The following RUNX1T1 variants were observed in gnomAD, a reference collection of about 807,000 sequenced individuals.
RUNX1T1 encodes protein CBFA2T1.
RUNX1T1 carries 4 observed loss-of-function variants against 62.8 expected under a neutral mutation model. The ratio of observed to expected loss-of-function variants is 0.06; its 90% confidence interval spans 0.03 to 0.15. The LOEUF is 0.15. Among genes scored for constraint, RUNX1T1 ranks in the 10% least tolerant of loss-of-function variants. The probability of loss-of-function intolerance (pLI) is 1.00; values close to 1 mark genes in which losing one functional copy is unlikely to be tolerated. For missense variants in RUNX1T1, 508 were observed against 754.3 expected (o/e 0.67, Z 3.82); for synonymous variants, 291 against 286.0 (o/e 1.02, Z -0.18).
In RUNX1T1 at chr8:91,991,899, G is replaced by GA. The variant is rs773610287; in HGVS notation, c.660-11dup. On this transcript the variant is annotated splice_polypyrimidine_tract_variant and intron_variant, in intron 5 of 10. Coordinates refer to ENST00000396218, the Ensembl canonical transcript of RUNX1T1. Reference sequence around the variant, plus strand: ...GCCATTTTCTTTGGTTCTAAAGGGGGAAAAAACAAGAGTTTGTTTCATCAT... The same window carrying GA: ...GCCATTTTCTTTGGTTCTAAAGGGGGAAAAAAACAAGAGTTTGTTTCATCAT... 20 of 1,611,780 alleles carry GA rather than the reference G, an allele frequency of 1.2e-5. No homozygotes were observed. Among genetic ancestry groups the GA allele is most frequent in the Non-Finnish European group, 1.6e-5 (19 of 1,179,116 alleles).
intron 4 of RUNX1T1, among the ~76,000 whole-genome samples, chr8:92,008,269 C>T (rs994668725): frequency 3.3e-5 from 5 of 151,860 alleles, no homozygotes; most frequent in South Asian, 2.1e-4. Context: ...ATATTCAGAA[C>T]GATGAGGAAG....
chr8:91,962,472 C>A (rs1810706952), intron 10 of RUNX1T1, among the ~76,000 whole-genome samples: 1 of 152,172 alleles, frequency 6.6e-6, no homozygotes, highest in Non-Finnish European at 1.5e-5. Flanking sequence ...TTTCCTACTT[C>A]AATTAATTTA....
intron 5 of RUNX1T1, among the ~76,000 whole-genome samples, chr8:91,996,232 C>T (rs1229233798): frequency 2.6e-5 from 4 of 151,876 alleles, no homozygotes; most frequent in African/African-American, 9.7e-5. Flanking sequence ...GACAGAGTCT[C>T]GCTCTGTCGC....
At position 92,095,403 on chromosome 8, in the gene RUNX1T1, G is replaced by A. The variant is rs1227620306; in HGVS notation, c.-86+4177C>T. The A allele has an allele frequency of 2.0e-6, 3 of 1,535,472 alleles. No individual in the cohort carries two copies. In the African/African-American group the frequency reaches 4.1e-5, roughly 21 times the overall value. ...CGGCCGAGGCGGCACCCAGACCGCG[G>A]CTTTGTATTCATTAAACACACATTG... On this transcript the variant is annotated intron_variant, in intron 1 of 11. Coordinates refer to the RUNX1T1 transcript ENST00000265814.
chr8:92,032,783 A>G (rs1826507450), intron 1 of RUNX1T1, among the ~76,000 whole-genome samples: 1 of 152,180 alleles, frequency 6.6e-6, no homozygotes, highest in Admixed American at 6.5e-5. Flanking sequence ...GTCTCTAAAA[A>G]ATGAAATAGC....
chr8:92,056,264 CAGTTT>C (rs1296900513), intron 1 of RUNX1T1, among the ~76,000 whole-genome samples: 4 of 152,180 alleles, frequency 2.6e-5, no homozygotes, highest in Non-Finnish European at 4.4e-5. Flanking sequence ...GAAAAATGCT[CAGTTT>C]ACTTTGTCAA....
chr8:92,004,828 C>A, intron 5 of RUNX1T1: 1 of 285,644 alleles, frequency 3.5e-6, no homozygotes, highest in Non-Finnish European at 6.4e-6. Context: ...ATCTAAGAGC[C>A]ATCAGTGGTA....
exon 11 of RUNX1T1, chr8:91,959,914 G>C: frequency 2.6e-6 from 1 of 383,094 alleles, no homozygotes; most frequent in Non-Finnish European, 4.8e-6. Context: ...CGGTTAATGA[G>C]GTCATCTAGT....
At chr8:92,067,445 T>C (rs1352318848), upstream of RUNX1T1, among the ~76,000 whole-genome samples, 1 of 152,188 alleles carries the variant, frequency 6.6e-6, no homozygotes, top group South Asian at 2.1e-4. Context: ...TTTTTGCATC[T>C]CCATCAGTTA....
At chr8:92,076,780 C>A (rs1363936564) in intron 1 of RUNX1T1, among the ~76,000 whole-genome samples, 1 of 152,052 alleles carries the variant, frequency 6.6e-6, no homozygotes, top group Non-Finnish European at 1.5e-5. Context: ...TAAATTTTCT[C>A]ATTTTTCCTG....
intron 1 of RUNX1T1, among the ~76,000 whole-genome samples, chr8:92,090,161 G>C (rs1055307475): frequency 2.7e-5 from 4 of 150,480 alleles, no homozygotes; most frequent in African/African-American, 9.8e-5. Context: ...TTGCCTATTA[G>C]TCAAGCGACT....
At chr8:92,075,942 C>A (rs1235486288) in intron 2 of RUNX1T1, 23 bp downstream of exon 2, 1 of 1,581,294 alleles carries the variant, frequency 6.3e-7, no homozygotes, top group Admixed American at 1.9e-5. Flanking sequence ...ATTGCAAAAT[C>A]AAAATATTTG....
chr8:92,079,641 T>C (rs778623932), intron 1 of RUNX1T1, among the ~76,000 whole-genome samples: 1 of 152,112 alleles, frequency 6.6e-6, no homozygotes, highest in African/African-American at 2.4e-5. Flanking sequence ...ATTCTCCTTC[T>C]CTCTTCTAAC....
intron 4 of RUNX1T1, among the ~76,000 whole-genome samples, chr8:92,006,993 T>A (rs1439412245): frequency 6.6e-6 from 1 of 152,132 alleles, no homozygotes; most frequent in Non-Finnish European, 1.5e-5. Context: ...TCCTACAGGA[T>A]AACAATGCTA....
At chr8:91,958,106 C>T (rs892564700), downstream of RUNX1T1, 18 of 115,420 alleles carry the variant, frequency 1.6e-4, no homozygotes, top group Non-Finnish European at 2.2e-4. Context: ...CCCCACCCCC[C>T]GCCCCAAAGC....
chr8:91,984,416 C>T (rs1431242328), intron 8 of RUNX1T1, among the ~76,000 whole-genome samples: 4 of 152,032 alleles, frequency 2.6e-5, no homozygotes, highest in Admixed American at 6.6e-5. Flanking sequence ...TCAGTTTGGC[C>T]GACTGAATTG....
intron 4 of RUNX1T1, among the ~76,000 whole-genome samples, chr8:92,009,367 G>A (rs1410437971): frequency 6.6e-6 from 1 of 152,056 alleles, no homozygotes; most frequent in Non-Finnish European, 1.5e-5. Context: ...ATTAAGGCCC[G>A]AGTTCCCACA....
chr8:91,983,185 G>A (rs949175551), intron 8 of RUNX1T1, among the ~76,000 whole-genome samples: 5 of 151,440 alleles, frequency 3.3e-5, no homozygotes, highest in South Asian at 2.1e-4. Context: ...CGTCTGCCTC[G>A]GCCTCCCAAA....
intron 5 of RUNX1T1, chr8:91,994,587 C>A (rs1312371806): frequency 2.0e-6 from 1 of 496,888 alleles, no homozygotes; most frequent in Non-Finnish European, 4.0e-6. Context: ...TGACCTTGGT[C>A]AAGTCACTTA....
Sources: gnomAD v4.1 joint callset for allele counts (sites outside exome capture counted in the v4.1 genomes callset) on GRCh38, gnomAD v4.1.1 for gene constraint, MANE v1.5 for transcripts, NCBI Gene and HGNC (gene_info 2026-07-23, HGNC 2026-07-21) for gene names.